The following ELAVL4 variants were observed in gnomAD, a reference collection of about 807,000 sequenced individuals.
ELAVL4 encodes ELAV-like protein 4.
In ELAVL4, 1 loss-of-function variant was observed where a neutral mutation model predicts 35.6. The ratio of observed to expected loss-of-function variants is 0.03; its 90% CI spans 0.01 to 0.13. ELAVL4 has a LOEUF of 0.13. Ranked by LOEUF, ELAVL4 falls within the 10% of genes least tolerant of loss-of-function variation. The pLI is 1.00. For missense variants in ELAVL4, 267 were observed against 464.9 expected (o/e 0.57, Z 3.91); for synonymous variants, 156 against 171.0 (o/e 0.91, Z 0.69).
intron 2 of ELAVL4, among the ~76,000 whole-genome samples, chr1:50,160,179 T>G (rs1017050194): frequency 6.6e-6 from 1 of 152,184 alleles, no homozygotes; most frequent in Admixed American, 6.5e-5. Flanking sequence ...ACTCCTTCAT[T>G]TTCACATCTG....
chr1:50,102,344 TAAAATAAAA>T (rs1666032365), upstream of ELAVL4, among the ~76,000 whole-genome samples: 1 of 146,942 alleles, frequency 6.8e-6, no homozygotes, highest in Admixed American at 6.7e-5. Flanking sequence ...TAAAATAAAA[TAAAATAAAA>T]ACTCTGCCCT....
In ELAVL4 at chr1:50,200,890, G is replaced by T; in HGVS notation, c.813G>T (p.Val271=). Residue 271 remains valine, a synonymous_variant, in exon 7 of 7, where the codon GTG becomes GTT. Coordinates refer to ENST00000371824, the MANE Select transcript of ELAVL4 (RefSeq NM_001144774.3). The part of the protein sequence containing the change: ...PITIDGMTSL[V]GMNIPGHTGT... ...CCATTGATGGAATGACAAGCCTTGT[G>T]GGAATGAACATCCCTGGTCACACAG... The T allele has an allele frequency of 6.2e-7, 1 of 1,613,906 alleles. No homozygotes were observed. Among genetic ancestry groups the T allele is most frequent in the South Asian group, 1.1e-5 (1 of 91,060 alleles).
intron 3 of ELAVL4, among the ~76,000 whole-genome samples, chr1:50,192,292 A>T (rs1045925644): frequency 7.2e-5 from 11 of 152,086 alleles, no homozygotes; most frequent in African/African-American, 2.4e-4. Flanking sequence ...GTCAACATCT[A>T]TTTTTAGGCA....
At chr1:50,066,324 T>C (rs1031615211) in intron 1 of ELAVL4, among the ~76,000 whole-genome samples, 1 of 152,210 alleles carries the variant, frequency 6.6e-6, no homozygotes, top group Non-Finnish European at 1.5e-5. Flanking sequence ...TTTTGAAACC[T>C]TTTTCTTGTC....
chr1:50,152,300 T>C (rs1418376974), intron 2 of ELAVL4, among the ~76,000 whole-genome samples: 1 of 152,168 alleles, frequency 6.6e-6, no homozygotes, highest in African/African-American at 2.4e-5. Flanking sequence ...GATTTTTACC[T>C]AGGATGTGAA....
chr1:50,141,502 G>A (rs1445495912), intron 1 of ELAVL4, among the ~76,000 whole-genome samples: 3 of 152,154 alleles, frequency 2.0e-5, no homozygotes, highest in African/African-American at 7.2e-5. Context: ...ACAGCAAATG[G>A]AGGCACTGCA....
intron 1 of ELAVL4, among the ~76,000 whole-genome samples, chr1:50,080,797 C>G (rs1043820645): frequency 5.3e-5 from 8 of 152,118 alleles, no homozygotes; most frequent in African/African-American, 1.7e-4. Flanking sequence ...TTCTGTGCTG[C>G]CTTTCCTCCA....
intron 1 of ELAVL4, among the ~76,000 whole-genome samples, chr1:50,063,148 G>T (rs151317401): frequency 8.7e-4 from 132 of 152,162 alleles, no homozygotes; most frequent in African/African-American, 3.1e-3. Context: ...CTACAAAATG[G>T]CACACTGTCA....
At chr1:50,170,764 C>T (rs1378628115) in intron 2 of ELAVL4, among the ~76,000 whole-genome samples, 2 of 152,166 alleles carry the variant, frequency 1.3e-5, no homozygotes. Context: ...TTAAGCTGGG[C>T]ATGGTGGCCT....
At chr1:50,086,894 A>C (rs1447174577) in intron 1 of ELAVL4, among the ~76,000 whole-genome samples, 1 of 152,150 alleles carries the variant, frequency 6.6e-6, no homozygotes, top group African/African-American at 2.4e-5. Context: ...GGGACTCTGC[A>C]GATCCAAGGC....
intron 1 of ELAVL4, among the ~76,000 whole-genome samples, chr1:50,114,306 T>C (rs1252329467): frequency 6.6e-6 from 1 of 152,026 alleles, no homozygotes; most frequent in Non-Finnish European, 1.5e-5. Context: ...TTGGTAAAAA[T>C]AAGGAGGCGG....
chr1:50,130,749 G>A (rs918952930), intron 1 of ELAVL4, among the ~76,000 whole-genome samples: 6 of 151,998 alleles, frequency 3.9e-5, no homozygotes, highest in Admixed American at 1.3e-4. Flanking sequence ...CAACATAATG[G>A]TTTCTGGCCC....
chr1:50,200,915 G>C lies in ELAVL4; in HGVS notation c.838G>C (p.Gly280Arg), dbSNP rs750789231. 3 of 1,614,046 alleles carry C rather than the reference G, an allele frequency of 1.9e-6. No individual in the cohort carries two copies. In the South Asian group the frequency reaches 3.3e-5, roughly 18 times the overall value. Residue 280 changes from glycine (G) to arginine (R), a missense_variant, in exon 7 of 7, where the codon GGA (glycine) becomes CGA (arginine). This residue lies in a region of ELAVL4 where 216 missense variants were observed against 409.5 expected (regional missense o/e 0.53). Coordinates refer to ENST00000371824, the MANE Select transcript of ELAVL4 (RefSeq NM_001144774.3). The stretch of plus-strand genomic sequence containing the variant: ...GGGAATGAACATCCCTGGTCACACA[G>C]GAACTGGGTGGTGCATCTTTGTCTA... Reference protein sequence around the residue: ...LVGMNIPGHTGTGWCIFVYNL... With the variant: ...LVGMNIPGHTRTGWCIFVYNL...
intron 2 of ELAVL4, among the ~76,000 whole-genome samples, chr1:50,160,077 ACTGT>A (rs1293521545): frequency 6.6e-6 from 1 of 152,182 alleles, no homozygotes; most frequent in East Asian, 1.9e-4. Context: ...TGGTGTCCTG[ACTGT>A]CAGGGTGACA....
chr1:50,195,716 C>T lies in ELAVL4; in HGVS notation c.664C>T (p.Leu222Phe). The stretch of plus-strand genomic sequence containing the variant: ...CAGCCAGAAGTCCAGCCAGGCCCTG[C>T]TCTCCCAGCTCTACCAGTCCCCCAA... ...NPSQKSSQAL[L>F]SQLYQSPNRR... The change falls in exon 5 of 7, where the codon CTC becomes TTC. Residue 222 changes from leucine (L) to phenylalanine (F), a missense_variant. Coordinates refer to ENST00000371824, the MANE Select transcript of ELAVL4 (RefSeq NM_001144774.3). 6.2e-7 allele frequency: 1 copy of T among 1,614,166 alleles called. No individual in the cohort carries two copies.
chr1:50,095,828 A>G (rs1665696192), intron 1 of ELAVL4, among the ~76,000 whole-genome samples: 2 of 152,228 alleles, frequency 1.3e-5, no homozygotes, highest in Non-Finnish European at 2.9e-5. Flanking sequence ...TTGTAGCCAG[A>G]GCATCCCCAT....
At chr1:50,186,263 A>T (rs1229799554) in intron 3 of ELAVL4, among the ~76,000 whole-genome samples, 1 of 152,230 alleles carries the variant, frequency 6.6e-6, no homozygotes, top group Non-Finnish European at 1.5e-5. Flanking sequence ...CGCGGCATAA[A>T]GTATATGATA....
intron 1 of ELAVL4, chr1:50,115,024 C>CTCTCTT (rs1406886279): frequency 2.6e-5 from 4 of 151,988 alleles, no homozygotes; most frequent in Admixed American, 2.6e-4. Context: ...GTGACTTTCT[C>CTCTCTT]TCTCTTTCTC....
Position 50,189,992 on chromosome 1 carries a change from G to T in ELAVL4, c.355-3773G>T, listed in dbSNP as rs115828236. ...GATGGGGAGAGCTGAGGAGCTTGGA[G>T]GGACTTCAGATCTTCCATAGAGATC... On this transcript the variant is annotated intron_variant, in intron 3 of 6. Transcript: ENST00000371824. Among the ~76,000 whole-genome samples the T allele has an allele frequency of 3.2e-3, 494 of 152,316 alleles. 4 individuals carry two copies. Among genetic ancestry groups the T allele is most frequent in the African/African-American group, 0.011 (477 of 41,568 alleles).
Sources: allele counts gnomAD v4.1 joint callset (sites outside exome capture counted in the v4.1 genomes callset), GRCh38; gene constraint gnomAD v4.1.1; regional missense constraint gnomAD v4.1.1; transcripts MANE v1.5; gene names NCBI Gene and HGNC (gene_info 2026-07-23, HGNC 2026-07-21).